Variants in DCAF8L2 observed in about 807,000 individuals in gnomAD.
DCAF8L2 encodes the protein DDB1- and CUL4-associated factor 8-like protein 2.
For synonymous variants in DCAF8L2, 200 were observed against 190.9 expected (o/e 1.05, Z -0.39); for missense variants, 430 against 490.7 (o/e 0.88, Z 1.17).
At chrX:27,496,620 G>A in the DCAF8L2 span, among the ~76,000 whole-genome samples, 20 of 111,492 alleles carry the variant, frequency 1.8e-4, no homozygotes, top group East Asian at 5.7e-4. Flanking sequence ...ATCACCTTTC[G>A]ATTAACCATT....
the DCAF8L2 span, among the ~76,000 whole-genome samples, chrX:27,482,500 A>G: frequency 3.6e-5 from 4 of 111,530 alleles, no homozygotes; most frequent in East Asian, 1.1e-3. Context: ...AAATTATGAC[A>G]TTGTAATATT....
the DCAF8L2 span, among the ~76,000 whole-genome samples, chrX:27,492,599 C>A: frequency 1.4e-4 from 15 of 109,464 alleles, no homozygotes; most frequent in African/African-American, 5.0e-4. Flanking sequence ...CCTGCCTCAG[C>A]CTCCCAGGTA....
intron 1 of DCAF8L2, among the ~76,000 whole-genome samples, chrX:27,596,859 CATT>C (rs1171320175): frequency 2.7e-5 from 3 of 111,231 alleles, no homozygotes; most frequent in African/African-American, 9.8e-5. Flanking sequence ...TTTTCAGTGA[CATT>C]ATATATAGGA....
intron 1 of DCAF8L2, among the ~76,000 whole-genome samples, chrX:27,600,008 C>T (rs1347424887): frequency 1.8e-5 from 2 of 111,742 alleles, no homozygotes; most frequent in African/African-American, 6.5e-5. Flanking sequence ...TACAATTATG[C>T]AAGAAAGCAA....
the DCAF8L2 span, among the ~76,000 whole-genome samples, chrX:27,561,491 T>G: frequency 1.8e-5 from 2 of 111,615 alleles, no homozygotes; most frequent in African/African-American, 6.5e-5. Flanking sequence ...ACATTCAGTG[T>G]TTTTTAGTAT....
chrX:27,605,214 A>G (rs1926817562), intron 1 of DCAF8L2, among the ~76,000 whole-genome samples: 1 of 111,248 alleles, frequency 9.0e-6, no homozygotes, highest in Admixed American at 9.7e-5. Context: ...AGATTTCGTT[A>G]GTCACTCTTA....
upstream of DCAF8L2, among the ~76,000 whole-genome samples, chrX:27,585,713 A>G (rs752008632): frequency 1.7e-3 from 186 of 111,798 alleles, no homozygotes; most frequent in Middle Eastern, 4.6e-3. Context: ...TGCCTGTTAT[A>G]TAGCTACCAA....
chrX:27,588,794 G>A (rs1343830580), upstream of DCAF8L2, among the ~76,000 whole-genome samples: 1 of 109,588 alleles, frequency 9.1e-6, no homozygotes, highest in African/African-American at 3.3e-5. Flanking sequence ...AGTGGAGATG[G>A]GGAAGAGGAG....
intron 2 of DCAF8L2, among the ~76,000 whole-genome samples, chrX:27,652,680 A>T (rs1033757186): frequency 8.9e-6 from 1 of 112,243 alleles, no homozygotes; most frequent in African/African-American, 3.2e-5. Context: ...TCAATCAATG[A>T]AAACCCACTT....
chrX:27,665,668 A>G, intron 2 of DCAF8L2, among the ~76,000 whole-genome samples: 1 of 110,706 alleles, frequency 9.0e-6, no homozygotes, highest in South Asian at 3.8e-4. Context: ...TCTTTCTTGT[A>G]TTATTTTAAG....
At chrX:27,717,537 A>C (rs1931744386) in intron 4 of DCAF8L2, among the ~76,000 whole-genome samples, 1 of 112,171 alleles carries the variant, frequency 8.9e-6, no homozygotes, top group Non-Finnish European at 1.9e-5. Context: ...TCTTCTTTTG[A>C]GAAGTGTCTG....
the DCAF8L2 span, among the ~76,000 whole-genome samples, chrX:27,490,504 C>G: frequency 9.1e-6 from 1 of 110,046 alleles, no homozygotes; most frequent in Non-Finnish European, 1.9e-5. Flanking sequence ...CTCTGTCGCC[C>G]AGGCAGGAGT....
chrX:27,516,379 A>G, the DCAF8L2 span, among the ~76,000 whole-genome samples: 1 of 111,124 alleles, frequency 9.0e-6, no homozygotes, highest in South Asian at 3.8e-4. Flanking sequence ...GAAACCAAAT[A>G]TACTAAAATG....
intron 3 of DCAF8L2, among the ~76,000 whole-genome samples, chrX:27,696,310 G>GAA (rs754599180): frequency 1.2e-5 from 1 of 86,338 alleles, no homozygotes; most frequent in South Asian, 4.8e-4. Flanking sequence ...AAGAAAGAAA[G>GAA]AAAGAAAGAA....
the DCAF8L2 span, among the ~76,000 whole-genome samples, chrX:27,478,024 T>C: frequency 9.0e-6 from 1 of 111,581 alleles, no homozygotes; most frequent in East Asian, 2.8e-4. Flanking sequence ...AATGAATCGT[T>C]AGTCTCATGT....
At chrX:27,678,298 A>G (rs763600464) in intron 3 of DCAF8L2, among the ~76,000 whole-genome samples, 1 of 111,940 alleles carries the variant, frequency 8.9e-6, no homozygotes, top group African/African-American at 3.2e-5. Context: ...TTAAACATAG[A>G]ATTACCATAT....
intron 3 of DCAF8L2, among the ~76,000 whole-genome samples, chrX:27,694,847 G>A (rs1001194456): frequency 9.8e-5 from 11 of 111,743 alleles, no homozygotes; most frequent in African/African-American, 3.6e-4. Context: ...TGCCAGTCTT[G>A]TCTCTCATTA....
chrX:27,607,899 G>A lies in DCAF8L2; in HGVS notation c.-342+17459G>A, dbSNP rs145807485. On this transcript the variant is annotated intron_variant, in intron 1 of 4. Transcript: ENST00000451261. ...ACTCCAGTAGCTATATCAAGATAAT[G>A]GATTATGAAATTGACTACAACTTGG... is the stretch of plus-strand genomic sequence containing the variant. Among the ~76,000 whole-genome samples the A allele has an allele frequency of 1.3e-4, 14 of 111,306 alleles. No homozygotes were observed. The East Asian group carries it at 3.7e-3, about 29-fold the overall frequency.
At chrX:27,619,451 G>A (rs991206683) in intron 1 of DCAF8L2, among the ~76,000 whole-genome samples, 2 of 111,169 alleles carry the variant, frequency 1.8e-5, no homozygotes, top group Non-Finnish European at 3.8e-5. Flanking sequence ...TTTGTTACAG[G>A]GATCTGGGTT....
Sources: allele counts gnomAD v4.1 joint callset (sites outside exome capture counted in the v4.1 genomes callset), GRCh38; gene constraint gnomAD v4.1.1; transcripts MANE v1.5; gene names NCBI Gene and HGNC (gene_info 2026-07-23, HGNC 2026-07-21).